The following ARHGEF16 variants were observed in gnomAD, a reference collection of about 807,000 sequenced individuals.
ARHGEF16 encodes the protein Rho guanine nucleotide exchange factor 16.
ARHGEF16 carries 59 observed loss-of-function variants against 74.1 expected under a neutral mutation model. The ratio of observed to expected loss-of-function variants is 0.80; its 90% CI spans 0.65 to 0.99. ARHGEF16 has a LOEUF of 0.99. Among genes scored for constraint, ARHGEF16 ranks in the 50% least tolerant of loss-of-function variants. ARHGEF16 has a pLI of 0.00. For synonymous variants in ARHGEF16, 415 were observed against 412.6 expected, an observed-to-expected ratio of 1.01 and a Z score of -0.07; for missense variants, 948 against 986.6, an observed-to-expected ratio of 0.96 and a Z score of 0.52.
intron 6 of ARHGEF16, among the ~76,000 whole-genome samples, chr1:3,471,415 G>A (rs371499310): frequency 2.6e-5 from 4 of 152,174 alleles, no homozygotes; most frequent in Admixed American, 6.5e-5. Flanking sequence ...GTGCCCTTGC[G>A]GAACTTTGGG....
intron 4 of ARHGEF16, among the ~76,000 whole-genome samples, chr1:3,467,742 TC>T (rs1190306108): frequency 6.6e-6 from 1 of 152,040 alleles, no homozygotes; most frequent in Non-Finnish European, 1.5e-5. Flanking sequence ...ACTTTCCATA[TC>T]TGAAATTGGG....
intron 2 of ARHGEF16, among the ~76,000 whole-genome samples, chr1:3,464,490 T>C (rs1009027881): frequency 4.6e-5 from 7 of 152,134 alleles, no homozygotes; most frequent in African/African-American, 1.7e-4. Flanking sequence ...CAGGCAGGGC[T>C]GGGGTAGGGG....
intron 10 of ARHGEF16, among the ~76,000 whole-genome samples, chr1:3,476,494 A>T (rs1354417199): frequency 6.6e-6 from 1 of 152,110 alleles, no homozygotes; most frequent in African/African-American, 2.4e-5. Flanking sequence ...GCCAGCCCAG[A>T]TTCCATGTTT....
At chr1:3,459,258 C>A (rs1639337631) in intron 1 of ARHGEF16, among the ~76,000 whole-genome samples, 1 of 152,180 alleles carries the variant, frequency 6.6e-6, no homozygotes, top group South Asian at 2.1e-4. Context: ...GCAGGTGCGC[C>A]AGACCCTCAG....
intron 2 of ARHGEF16, among the ~76,000 whole-genome samples, chr1:3,464,390 G>A (rs938762142): frequency 2.6e-5 from 4 of 152,202 alleles, no homozygotes; most frequent in African/African-American, 9.6e-5. Context: ...GCCACGTTCA[G>A]GGAGAGTTGC....
rs747312800 is a variant in ARHGEF16, at chr1:3,469,593, G to A, written c.1022G>A (p.Arg341Lys). The change falls in exon 6 of 15, where the codon AGG becomes AAG. Residue 341 changes from arginine (R) to lysine (K), a missense_variant and splice_region_variant. Physicochemically the swap from Arg to Lys is conservative, Grantham distance 26. Coordinates refer to ENST00000378378, the MANE Select transcript of ARHGEF16 (RefSeq NM_014448.4). ...CTGGATGTCCTGGGTGCCAGTCAGA[G>A]GTGAGGCCACGCCACAGCCTTCCAC... ...NILDVLGASQ[R>K]FFEDLEQRHK... The A allele has an allele frequency of 6.2e-7, 1 of 1,612,798 alleles. No homozygotes were observed. The highest frequency in any genetic ancestry group is 1.1e-5 in the South Asian group (1 of 91,078).
At chr1:3,472,910 T>G (rs1569866607) in intron 6 of ARHGEF16, 168 bp from the exon 7 acceptor site, 61 of 168,480 alleles carry the variant, frequency 3.6e-4, no homozygotes, top group South Asian at 1.2e-3. Context: ...GCATCCCAGG[T>G]CCGGGTCCCG....
intron 1 of ARHGEF16, among the ~76,000 whole-genome samples, chr1:3,459,020 G>T (rs1447278530): frequency 6.6e-6 from 1 of 152,206 alleles, no homozygotes; most frequent in East Asian, 1.9e-4. Context: ...TCATTAGTGG[G>T]TATTCCAAAA....
At chr1:3,462,914 T>C (rs942499514) in intron 1 of ARHGEF16, among the ~76,000 whole-genome samples, 152 bp from the exon 2 acceptor site, 2 of 152,158 alleles carry the variant, frequency 1.3e-5, no homozygotes, top group Non-Finnish European at 2.9e-5. Context: ...ACTGATCCAC[T>C]GTGCTCCTGG....
chr1:3,477,762 A>C, intron 10 of ARHGEF16, 113 bp from the exon 11 acceptor site: 1 of 966,292 alleles, frequency 1.0e-6, no homozygotes, highest in Non-Finnish European at 1.6e-6. Context: ...CAGAGGCAGG[A>C]GTCAGTCCCA....
chr1:3,479,600 G>A lies in ARHGEF16; in HGVS notation c.1888+10G>A. ...CTCTCCAGCAAAGGAGGTGAGTGCG[G>A]GCTGGGGCCTGCAGGGCTGGCCCTC... On this transcript the variant is annotated intron_variant, in intron 13 of 14. Coordinates refer to ENST00000378378, the MANE Select transcript of ARHGEF16 (RefSeq NM_014448.4). The A allele has an allele frequency of 6.2e-7, 1 of 1,610,084 alleles. No individual in the cohort carries two copies. The highest frequency in any genetic ancestry group is 8.5e-7 in the Non-Finnish European group (1 of 1,178,816).
chr1:3,456,562 C>T (rs958647515), intron 1 of ARHGEF16, among the ~76,000 whole-genome samples: 5 of 152,244 alleles, frequency 3.3e-5, no homozygotes, highest in South Asian at 2.1e-4. Flanking sequence ...GTCCCACCCC[C>T]GCAGGCCACA....
At chr1:3,467,960 G>A (rs921230836) in intron 4 of ARHGEF16, among the ~76,000 whole-genome samples, 3 of 152,202 alleles carry the variant, frequency 2.0e-5, no homozygotes, top group Non-Finnish European at 2.9e-5. Flanking sequence ...CTCCTTGTTC[G>A]CCATTCAGAG....
chr1:3,475,851 G>A, intron 9 of ARHGEF16, 119 bp from the exon 10 acceptor site: 6 of 947,312 alleles, frequency 6.3e-6, no homozygotes, highest in Non-Finnish European at 9.4e-6. Flanking sequence ...CTGGTCCAGG[G>A]CAGGCACTGT....
Position 3,480,695 on chromosome 1 carries a change from C to T in ARHGEF16, c.*108C>T. On this transcript the variant is annotated 3_prime_UTR_variant, in exon 15 of 15. Coordinates refer to ENST00000378378, the MANE Select transcript of ARHGEF16 (RefSeq NM_014448.4). ...TGGTCTCAAGGACCCAGCATGGTTC[C>T]CTGGGGCTTCCCAAGAGCCTGTGGC... is the stretch of plus-strand genomic sequence containing the variant. 3 of 1,399,584 alleles carry T rather than the reference C, an allele frequency of 2.1e-6. No homozygotes were observed. Among genetic ancestry groups the T allele is most frequent in the East Asian group, 2.5e-5 (1 of 40,412 alleles). 86.7% of individuals were successfully genotyped at this position (1,399,584 alleles called of 1,614,324 possible). A position where few individuals can be genotyped will look rare whatever the true frequency, so the allele number is the denominator to read the frequency against.
intron 12 of ARHGEF16, among the ~76,000 whole-genome samples, 193 bp downstream of exon 12, chr1:3,478,805 C>T (rs1639971491): frequency 6.6e-6 from 1 of 152,070 alleles, no homozygotes; most frequent in African/African-American, 2.4e-5. Context: ...GTTTATGTTC[C>T]CGGGAGGGGA....
chr1:3,456,706 CG>C (rs1639274659), intron 1 of ARHGEF16, among the ~76,000 whole-genome samples: 1 of 152,240 alleles, frequency 6.6e-6, no homozygotes, highest in Non-Finnish European at 1.5e-5. Context: ...AGCGGGTGAA[CG>C]GGTGGCAGGA....
chr1:3,473,392 G>T lies in ARHGEF16; in HGVS notation c.1176-1G>T. ...GGAAGGACAGCCTTGTCCTCTTGCA[G>T]AAGCAGCAACGCCGCCTTCCGAGAG... On this transcript the variant is annotated splice_acceptor_variant, in intron 7 of 14. Coordinates refer to ENST00000378378, the MANE Select transcript of ARHGEF16 (RefSeq NM_014448.4). LOFTEE classifies it high-confidence loss of function. 6.2e-7 allele frequency: 1 copy of T among 1,604,040 alleles called. No individual in the cohort carries two copies.
intron 1 of ARHGEF16, among the ~76,000 whole-genome samples, chr1:3,459,697 G>A (rs1639348565): frequency 6.6e-6 from 1 of 152,180 alleles, no homozygotes; most frequent in African/African-American, 2.4e-5. Flanking sequence ...TGGCAGAGAC[G>A]CCAGAACACT....
Sources: gnomAD v4.1 joint callset for allele counts (sites outside exome capture counted in the v4.1 genomes callset) on GRCh38, gnomAD v4.1.1 for gene constraint, MANE v1.5 for transcripts, NCBI Gene and HGNC (gene_info 2026-07-23, HGNC 2026-07-21) for gene names.